Variants in KCNH7 observed in about 807,000 individuals in gnomAD.
The protein encoded by KCNH7 is potassium voltage-gated channel subfamily H member 7.
KCNH7 carries 49 observed loss-of-function variants against 120.8 expected under a neutral mutation model. The observed-to-expected ratio is 0.41, with a 90% CI of 0.32 to 0.51. The LOEUF is 0.51. Ranked by LOEUF, KCNH7 falls within the 20% of genes least tolerant of loss-of-function variation. The pLI is 0.38. For missense variants in KCNH7, 1,097 were observed against 1,446.6 expected (o/e 0.76, Z 3.92); for synonymous variants, 547 against 516.1 (o/e 1.06, Z -0.81).
intron 14 of KCNH7, among the ~76,000 whole-genome samples, chr2:162,379,105 C>T (rs949857053): frequency 6.6e-6 from 1 of 152,176 alleles, no homozygotes; most frequent in Non-Finnish European, 1.5e-5. Flanking sequence ...GTGATTAGAG[C>T]ATTTTAATTT....
At chr2:162,403,255 C>T (rs1687115350) in intron 9 of KCNH7, among the ~76,000 whole-genome samples, 1 of 151,944 alleles carries the variant, frequency 6.6e-6, no homozygotes, top group Admixed American at 6.6e-5. Context: ...ATAGGGTATT[C>T]TCCACTAAGT....
At chr2:162,807,146 C>T (rs1300456227) in intron 2 of KCNH7, among the ~76,000 whole-genome samples, 2 of 146,906 alleles carry the variant, frequency 1.4e-5, no homozygotes, top group African/African-American at 5.0e-5. Context: ...TGTGGTGGCT[C>T]AAGCCTATAA....
At chr2:162,602,989 AGTTTAGTTTGGAATCACAG>A (rs1694608952) in intron 2 of KCNH7, among the ~76,000 whole-genome samples, 1 of 149,882 alleles carries the variant, frequency 6.7e-6, no homozygotes. Flanking sequence ...AATAACATTG[AGTTTAGTTTGGAATCACAG>A]CAGGGACTAC....
At chr2:162,734,961 C>T (rs1687848233) in intron 2 of KCNH7, among the ~76,000 whole-genome samples, 2 of 152,152 alleles carry the variant, frequency 1.3e-5, no homozygotes, top group Admixed American at 1.3e-4. Context: ...GTTTCTTATT[C>T]TGCCTTGCAT....
intron 2 of KCNH7, among the ~76,000 whole-genome samples, chr2:162,620,527 T>A (rs551836589): frequency 2.0e-5 from 3 of 152,140 alleles, no homozygotes. Flanking sequence ...TTAAAAGTCT[T>A]CTTCCAACAT....
intron 2 of KCNH7, among the ~76,000 whole-genome samples, chr2:162,715,968 G>A (rs923988645): frequency 6.6e-6 from 1 of 151,148 alleles, no homozygotes; most frequent in Non-Finnish European, 1.5e-5. Flanking sequence ...GTGTGTGTGT[G>A]TGTGTGTGTG....
intron 1 of KCNH7, among the ~76,000 whole-genome samples, chr2:162,837,989 G>A (rs756887898): frequency 1.3e-5 from 2 of 152,142 alleles, no homozygotes; most frequent in Non-Finnish European, 2.9e-5. Flanking sequence ...TCATACCACT[G>A]CTTTGCAGTT....
chr2:162,469,987 A>G (rs1391855237), intron 6 of KCNH7, among the ~76,000 whole-genome samples: 1 of 152,188 alleles, frequency 6.6e-6, no homozygotes, highest in Non-Finnish European at 1.5e-5. Flanking sequence ...GGGATTGCAG[A>G]CGGAGTCTCG....
chr2:162,773,727 T>G (rs1683142803), intron 2 of KCNH7, among the ~76,000 whole-genome samples: 1 of 152,156 alleles, frequency 6.6e-6, no homozygotes, highest in African/African-American at 2.4e-5. Flanking sequence ...GGCATCAAAC[T>G]TTAGCTTATC....
At position 162,705,632 on chromosome 2, in the gene KCNH7, T is replaced by C. The variant is rs146902823; in HGVS notation, c.307+130905A>G. 2.0e-5 allele frequency among the ~76,000 whole-genome samples: 3 copies of C among 152,242 alleles called. 1 individual carries two copies. The highest frequency in any genetic ancestry group is 7.2e-5 in the African/African-American group (3 of 41,560). On this transcript the variant is annotated intron_variant, in intron 2 of 15. Coordinates refer to ENST00000332142, the MANE Select transcript of KCNH7 (RefSeq NM_033272.4). ...TGGATTTGTCCAATAATGATACTTA[T>C]TATTATCTTTGAGCTGATAAAATGG... is the stretch of plus-strand genomic sequence containing the variant.
At chr2:162,507,574 A>G (rs1690923650) in intron 5 of KCNH7, among the ~76,000 whole-genome samples, 1 of 151,562 alleles carries the variant, frequency 6.6e-6, no homozygotes, top group Non-Finnish European at 1.5e-5. Flanking sequence ...ATTACATAAC[A>G]AAGCATGTTT....
At chr2:162,803,390 C>T (rs1684416969) in intron 2 of KCNH7, among the ~76,000 whole-genome samples, 1 of 151,606 alleles carries the variant, frequency 6.6e-6, no homozygotes, top group African/African-American at 2.4e-5. Context: ...CTATTAAATA[C>T]TTGTGTGAAA....
intron 6 of KCNH7, among the ~76,000 whole-genome samples, chr2:162,463,864 C>T (rs1367191113): frequency 1.3e-5 from 2 of 148,686 alleles, no homozygotes; most frequent in East Asian, 3.9e-4. Context: ...TAAACCTGCA[C>T]AGAAACAATT....
intron 7 of KCNH7, among the ~76,000 whole-genome samples, chr2:162,439,609 A>C (rs1216524981): frequency 6.6e-6 from 1 of 152,076 alleles, no homozygotes; most frequent in African/African-American, 2.4e-5. Context: ...TTTTATTTTT[A>C]ATGTATCTTG....
At chr2:162,559,247 A>C (rs1255106068) in intron 2 of KCNH7, among the ~76,000 whole-genome samples, 2 of 152,050 alleles carry the variant, frequency 1.3e-5, no homozygotes, top group Admixed American at 1.3e-4. Context: ...GAGGCCAGAG[A>C]GTTTGAGAAA....
intron 2 of KCNH7, among the ~76,000 whole-genome samples, chr2:162,823,717 A>C (rs1685193076): frequency 2.0e-5 from 3 of 152,210 alleles, no homozygotes; most frequent in African/African-American, 7.2e-5. Context: ...TGCTGGAATG[A>C]AAATTCAATG....
chr2:162,523,184 A>G (rs548037599), intron 3 of KCNH7, among the ~76,000 whole-genome samples: 64 of 152,008 alleles, frequency 4.2e-4, no homozygotes, highest in African/African-American at 1.3e-3. Flanking sequence ...ATAAATATCT[A>G]CATGAGAATC....
chr2:162,780,668 C>G (rs1362419667), intron 2 of KCNH7, among the ~76,000 whole-genome samples: 1 of 152,124 alleles, frequency 6.6e-6, no homozygotes, highest in African/African-American at 2.4e-5. Flanking sequence ...TGGAGACACA[C>G]AGCCCCCATG....
At chr2:162,823,984 A>G (rs1230921231) in intron 2 of KCNH7, among the ~76,000 whole-genome samples, 4 of 152,196 alleles carry the variant, frequency 2.6e-5, no homozygotes, top group Admixed American at 6.5e-5. Context: ...GTAGCAGAGC[A>G]TTAGCTCTGC....
Sources: gnomAD v4.1 joint callset for allele counts (sites outside exome capture counted in the v4.1 genomes callset) on GRCh38, gnomAD v4.1.1 for gene constraint, MANE v1.5 for transcripts, NCBI Gene and HGNC (gene_info 2026-07-23, HGNC 2026-07-21) for gene names.